RANBP17: variants seen among roughly 807,000 people sequenced by gnomAD.
RANBP17 encodes the protein ran-binding protein 17.
A neutral mutation model predicts 141.2 loss-of-function variants in RANBP17; 158 were observed. The ratio of observed to expected loss-of-function variants is 1.12; its 90% confidence interval spans 0.98 to 1.28. RANBP17 has a LOEUF of 1.28. RANBP17 is among the 50% of genes most tolerant of loss of function. The pLI is 0.00. For missense variants in RANBP17, 1,438 were observed against 1,290.7 expected (o/e 1.11, Z -1.75); for synonymous variants, 430 against 450.0 (o/e 0.96, Z 0.56).
intron 8 of RANBP17, among the ~76,000 whole-genome samples, chr5:170,914,744 T>C (rs952101436): frequency 1.3e-5 from 2 of 152,144 alleles, no homozygotes; most frequent in Non-Finnish European, 2.9e-5. Context: ...TCAGTGTAAA[T>C]TCTATTGCAT....
chr5:171,193,663 A>G (rs1385292055), intron 18 of RANBP17, among the ~76,000 whole-genome samples: 1 of 152,148 alleles, frequency 6.6e-6, no homozygotes, highest in Non-Finnish European at 1.5e-5. Context: ...CGGCTTCTAG[A>G]GACCACCTGC....
chr5:170,902,242 T>C (rs1250843435), intron 5 of RANBP17, among the ~76,000 whole-genome samples: 1 of 152,198 alleles, frequency 6.6e-6, no homozygotes, highest in East Asian at 1.9e-4. Flanking sequence ...TTTTCTCTAA[T>C]CTTGTCTTCA....
chr5:170,950,276 G>C (rs781396183), intron 12 of RANBP17, among the ~76,000 whole-genome samples: 9 of 151,814 alleles, frequency 5.9e-5, no homozygotes, highest in Non-Finnish European at 1.0e-4. Context: ...CACAGCAAAG[G>C]AAACAGTCAA....
intron 14 of RANBP17, among the ~76,000 whole-genome samples, chr5:171,035,624 A>G (rs560913329): frequency 1.3e-5 from 2 of 150,014 alleles, no homozygotes; most frequent in African/African-American, 4.9e-5. Flanking sequence ...ACACTGAGGC[A>G]TTTACCCAGT....
chr5:171,100,837 C>A (rs142807342), intron 14 of RANBP17, among the ~76,000 whole-genome samples: 4,299 of 152,254 alleles, frequency 0.028, 98 homozygotes, highest in Non-Finnish European at 0.039. Flanking sequence ...TTACTTATTT[C>A]TGCCTTAATT....
intron 25 of RANBP17, among the ~76,000 whole-genome samples, chr5:171,275,744 T>C (rs1166309395): frequency 1.3e-5 from 2 of 152,214 alleles, no homozygotes; most frequent in Non-Finnish European, 2.9e-5. Context: ...TGACATGGAA[T>C]ACTCAAAAGT....
chr5:171,296,463 A>G (rs538634279), intron 27 of RANBP17, among the ~76,000 whole-genome samples: 2 of 152,332 alleles, frequency 1.3e-5, no homozygotes, highest in South Asian at 4.1e-4. Flanking sequence ...CAAAATAGCT[A>G]AAAGAGAGGA....
At position 171,028,969 on chromosome 5, in the gene RANBP17, G is replaced by A. The variant is rs1781390672; in HGVS notation, c.1710+60592G>A. ...TCTGATTCATCATCATCTGAACCAG[G>A]GATCACAGTCTAAGGTCCAGGTGAG... On this transcript the variant is annotated intron_variant, in intron 14 of 27. Coordinates refer to ENST00000523189, the MANE Select transcript of RANBP17 (RefSeq NM_022897.5). The A allele has an allele frequency of 8.6e-6, 11 of 1,285,228 alleles. No individual in the cohort carries two copies. In the South Asian group the frequency reaches 1.4e-4, roughly 16 times the overall value. The allele number at this position is 1,285,228 out of a possible 1,614,324, so 79.6% of individuals were successfully genotyped here.
At chr5:171,080,611 G>A (rs1271932144) in intron 14 of RANBP17, among the ~76,000 whole-genome samples, 1 of 152,170 alleles carries the variant, frequency 6.6e-6, no homozygotes, top group Non-Finnish European at 1.5e-5. Context: ...GAAATGATGG[G>A]AAATAAGTAA....
intron 11 of RANBP17, among the ~76,000 whole-genome samples, chr5:170,919,839 C>G (rs1772284944): frequency 6.6e-6 from 1 of 151,976 alleles, no homozygotes; most frequent in Admixed American, 6.6e-5. Flanking sequence ...TCACCCTCAT[C>G]TCTGGCAGTT....
At chr5:171,250,318 T>C (rs1445872668) in intron 24 of RANBP17, among the ~76,000 whole-genome samples, 1 of 151,954 alleles carries the variant, frequency 6.6e-6, no homozygotes, top group Non-Finnish European at 1.5e-5. Flanking sequence ...ACACAAGAGT[T>C]TAAAATTCAC....
In RANBP17 at chr5:171,155,140, CAT is replaced by C. The variant is rs1395550845; in HGVS notation, c.1711-14986_1711-14985del. 1.9e-3 allele frequency among the ~76,000 whole-genome samples: 266 copies of C among 138,536 alleles called. 2 individuals carry two copies. The highest frequency in any genetic ancestry group is 6.8e-3 in the African/African-American group (253 of 37,032). 90.9% of individuals were successfully genotyped at this position (138,536 alleles called of 152,430 possible). A position where few individuals can be genotyped will look rare whatever the true frequency, so the allele number is the denominator to read the frequency against. ...ATATATGTACACACACACACACACA[CAT>C]ATACACATATATGTATATATATGGA... On this transcript the variant is annotated intron_variant, in intron 14 of 27. Coordinates refer to ENST00000523189, the MANE Select transcript of RANBP17 (RefSeq NM_022897.5).
chr5:171,268,719 G>A (rs1448591526), intron 25 of RANBP17, among the ~76,000 whole-genome samples: 1 of 151,918 alleles, frequency 6.6e-6, no homozygotes. Context: ...CCCCACCATG[G>A]CAAGGGACAA....
At chr5:171,191,797 A>G (rs1287644708) in intron 18 of RANBP17, among the ~76,000 whole-genome samples, 1 of 152,336 alleles carries the variant, frequency 6.6e-6, no homozygotes, top group African/African-American at 2.4e-5. Flanking sequence ...CACTTTTACT[A>G]AACTATTACT....
In RANBP17 at chr5:171,293,984, G is replaced by A. The variant is rs764864590; in HGVS notation, c.3042+3G>A. ...GGCTCATCCTGCTCAATGAGAAGGT[G>A]AGTGTGATTGCAGGAAGTCACGGGA... is the stretch of plus-strand genomic sequence containing the variant. On this transcript the variant is annotated splice_donor_region_variant and intron_variant, in intron 26 of 27. Coordinates refer to ENST00000523189, the MANE Select transcript of RANBP17 (RefSeq NM_022897.5). The A allele has an allele frequency of 3.1e-6, 5 of 1,606,392 alleles. No homozygotes were observed. The highest frequency in any genetic ancestry group is 1.3e-5 in the African/African-American group (1 of 74,764).
At chr5:171,026,362 G>A (rs559267936) in intron 14 of RANBP17, among the ~76,000 whole-genome samples, 27 of 152,174 alleles carry the variant, frequency 1.8e-4, no homozygotes, top group Non-Finnish European at 2.9e-4. Context: ...TGACAGAGCC[G>A]TGATTCAAAC....
At chr5:171,081,010 G>A (rs961217516) in intron 14 of RANBP17, among the ~76,000 whole-genome samples, 7 of 152,164 alleles carry the variant, frequency 4.6e-5, no homozygotes, top group African/African-American at 1.7e-4. Flanking sequence ...ACTGTGTGAT[G>A]TTTTAAGGTA....
intron 14 of RANBP17, among the ~76,000 whole-genome samples, chr5:171,017,568 G>A (rs1581408483): frequency 6.6e-6 from 1 of 152,240 alleles, no homozygotes; most frequent in African/African-American, 2.4e-5. Context: ...AGAAGTGTCT[G>A]TTCATATCCT....
chr5:171,082,457 C>T (rs778376736), intron 14 of RANBP17, among the ~76,000 whole-genome samples: 1 of 152,242 alleles, frequency 6.6e-6, no homozygotes, highest in South Asian at 2.1e-4. Context: ...CTTAGGCAAT[C>T]TCAGTGTGGC....
Sources: gnomAD v4.1 joint callset for allele counts (sites outside exome capture counted in the v4.1 genomes callset) on GRCh38, gnomAD v4.1.1 for gene constraint, MANE v1.5 for transcripts, NCBI Gene and HGNC (gene_info 2026-07-23, HGNC 2026-07-21) for gene names.